The following SNRNP200 variants were observed in gnomAD, a reference collection of about 807,000 sequenced individuals.
SNRNP200 encodes the protein U5 small nuclear ribonucleoprotein 200 kDa helicase.
A neutral mutation model predicts 255.2 loss-of-function variants in SNRNP200; 66 were observed. The observed-to-expected ratio is 0.26, with a 90% CI of 0.21 to 0.32. The LOEUF (loss-of-function observed/expected upper bound fraction) is 0.32. Ranked by LOEUF, SNRNP200 falls within the 10% of genes least tolerant of loss-of-function variation. The pLI, the probability that SNRNP200 is intolerant of heterozygous loss-of-function variation, is 1.00. For missense variants in SNRNP200, 1,585 were observed against 2,749.8 expected (o/e 0.58, Z 9.47); for synonymous variants, 939 against 1,027.8 (o/e 0.91, Z 1.65).
chr2:96,290,698 G>C lies in SNRNP200; in HGVS notation c.2539C>G (p.Leu847Val), dbSNP rs1017651316. The C allele has an allele frequency of 6.8e-6, 11 of 1,614,210 alleles. No homozygotes were observed. The highest frequency in any genetic ancestry group is 8.5e-6 in the Non-Finnish European group (10 of 1,180,038). ...AGGCTCTGTACCTGCAGAATGTCCA[G>C]TGCTCCCAGTTCTGTCCAACGCCCC... ...EKGRWTELGA[L>V]DILQMLGRAG... The change falls in exon 19 of 45, where the codon CTG (leucine) becomes GTG (valine). Residue 847 changes from leucine (L) to valine (V), a missense_variant. Coordinates refer to ENST00000323853, the MANE Select transcript of SNRNP200 (RefSeq NM_014014.5). The surrounding 1 kb of genome is among the most constrained non-coding windows in gnomAD (Gnocchi z 4.5).
chr2:96,285,536 T>G (rs982941467), intron 29 of SNRNP200, among the ~76,000 whole-genome samples, 196 bp from the exon 30 acceptor site: 2 of 152,140 alleles, frequency 1.3e-5, no homozygotes, highest in African/African-American at 4.8e-5. Context: ...TGCTCCCACT[T>G]AACAGTTAAA....
In SNRNP200 at chr2:96,278,743, A is replaced by T. The variant is rs552241837; in HGVS notation, c.5324-32T>A. 5.0e-6 allele frequency: 8 copies of T among 1,614,200 alleles called. No homozygotes were observed. Among genetic ancestry groups the T allele is most frequent in the Non-Finnish European group, 6.8e-6 (8 of 1,180,018 alleles). Reference sequence around the variant, plus strand: ...AGGCGAGAGGTGAGTGGGGAGCCTCAAGAAGATGCCCAGCAAAGACTGTGA... The same window carrying T: ...AGGCGAGAGGTGAGTGGGGAGCCTCTAGAAGATGCCCAGCAAAGACTGTGA... On this transcript the variant is annotated intron_variant, in intron 37 of 44. Transcript: ENST00000323853. The surrounding 1 kb of genome is among the most constrained non-coding windows in gnomAD (Gnocchi z 6.9).
At position 96,295,082 on chromosome 2, in the gene SNRNP200, G is replaced by A. The variant is rs1573998046; in HGVS notation, c.1842+406C>T. ...AAATTAGCTGGGCATGGTGGCAGGC[G>A]CCTGTAATTCCAGCTACAGGGGAGG... On this transcript the variant is annotated intron_variant, in intron 14 of 44. Coordinates refer to ENST00000323853, the MANE Select transcript of SNRNP200 (RefSeq NM_014014.5). 2.6e-5 allele frequency among the ~76,000 whole-genome samples: 4 copies of A among 152,098 alleles called. No individual in the cohort carries two copies. In the South Asian group the frequency reaches 8.3e-4, roughly 32 times the overall value.
rs1421677138 is a variant in SNRNP200 at position 96,277,709 on chromosome 2, G to A, written c.5761C>T (p.Arg1921Trp). ...DTEEILSKAIRLIQACVDVLS... is the reference protein window; with the variant it reads ...DTEEILSKAIWLIQACVDVLS... ...ACATCCACGCAGGCCTGGATGAGCC[G>A]GATTGCCTGAACAGGAAAAGGAGTA... Residue 1921 changes from arginine (R) to tryptophan (W), a missense_variant, in exon 41 of 45, where the codon CGG (arginine) becomes TGG (tryptophan). This residue lies in a region of SNRNP200 where 279 missense variants were observed against 551.2 expected (regional missense o/e 0.51). Coordinates refer to ENST00000323853, the MANE Select transcript of SNRNP200 (RefSeq NM_014014.5). The surrounding 1 kb of genome is among the most constrained non-coding windows in gnomAD (Gnocchi z 4.4). 5 of 1,614,066 alleles carry A rather than the reference G, an allele frequency of 3.1e-6. No individual in the cohort carries two copies. Among genetic ancestry groups the A allele is most frequent in the Non-Finnish European group, 3.4e-6 (4 of 1,180,028 alleles).
At chr2:96,293,532 T>C (rs2063898022) in intron 14 of SNRNP200, 23 bp from the exon 15 acceptor site, 2 of 1,604,254 alleles carry the variant, frequency 1.2e-6, no homozygotes, top group Non-Finnish European at 8.5e-7. Flanking sequence ...AGGACAGAAA[T>C]TACCTCTAGC....
Position 96,289,291 on chromosome 2 carries a change from C to T in SNRNP200, c.3029G>A (p.Ser1010Asn). The T allele has an allele frequency of 6.2e-7, 1 of 1,614,224 alleles. No homozygotes were observed. The highest frequency in any genetic ancestry group is 8.5e-7 in the Non-Finnish European group (1 of 1,180,034). Reference protein sequence around the residue: ...TYNQLLKPTLSEIELFRVFSL... With the variant: ...TYNQLLKPTLNEIELFRVFSL... ...GAAGACCCTGAAAAGCTCAATCTCA[C>T]TCAGGGTGGGCTTCAGCAGCTGGTT... Residue 1010 changes from serine to asparagine, a missense_variant, in exon 22 of 45, where the codon AGT (serine) becomes AAT (asparagine). Transcript: ENST00000323853.
chr2:96,305,432 C>A lies in SNRNP200; in HGVS notation c.6G>T (p.Ala2=), dbSNP rs149919257. The A allele has an allele frequency of 4.3e-6, 7 of 1,614,180 alleles. No individual in the cohort carries two copies. The East Asian group carries it at 1.6e-4, about 36-fold the overall frequency. The part of the protein sequence containing the change: M[A]DVTARSLQYE... ...ATTGCAGACTACGGGCGGTTACATC[C>A]GCCATGGCCGCGGCTGCTCGGAGGC... Residue 2 remains alanine (A), a synonymous_variant, in exon 1 of 45, where the codon GCG becomes GCT. Coordinates refer to ENST00000323853, the MANE Select transcript of SNRNP200 (RefSeq NM_014014.5).
rs1201737747 is a variant in SNRNP200, at chr2:96,287,187, T to C, written c.3485-27A>G. On this transcript the variant is annotated intron_variant, in intron 26 of 44. Transcript: ENST00000323853. The surrounding 1 kb of genome is among the most constrained non-coding windows in gnomAD (Gnocchi z 5.7). ...TACAAGGAAATGAGAGTACTGAGGCTGCAGCCCAGCCTGCCTACTATACTG... is the reference window on the plus strand; with the variant it reads ...TACAAGGAAATGAGAGTACTGAGGCCGCAGCCCAGCCTGCCTACTATACTG... 1 of 1,614,108 alleles carries C rather than the reference T, an allele frequency of 6.2e-7. No homozygotes were observed. Among genetic ancestry groups the C allele is most frequent in the South Asian group, 1.1e-5 (1 of 91,062 alleles).
chr2:96,297,813 A>G (rs1386814918), intron 9 of SNRNP200, 93 bp from the exon 10 acceptor site: 44 of 1,298,882 alleles, frequency 3.4e-5, no homozygotes, highest in Non-Finnish European at 4.4e-5. Context: ...TACTTGAGTC[A>G]CAGGTGCTGA....
chr2:96,291,544 G>A lies in SNRNP200; in HGVS notation c.2311-42C>T. 1 of 1,376,726 alleles carries A rather than the reference G, an allele frequency of 7.3e-7. No individual in the cohort carries two copies. Among genetic ancestry groups the A allele is most frequent in the Non-Finnish European group, 1.0e-6 (1 of 964,134 alleles). 85.3% of individuals were successfully genotyped at this position (1,376,726 alleles called of 1,614,324 possible). On this transcript the variant is annotated intron_variant, in intron 17 of 44. Coordinates refer to ENST00000323853, the MANE Select transcript of SNRNP200 (RefSeq NM_014014.5). The surrounding 1 kb of genome is among the most constrained non-coding windows in gnomAD (Gnocchi z 4.2). ...CGGGGATGAGGCGAGCCTTCCTGTA[G>A]GACTCATCCAAGGACTAAGGAAATC...
Position 96,277,159 on chromosome 2 carries a change from G to T in SNRNP200, c.6014C>A (p.Ala2005Glu). Residue 2005 changes from alanine to glutamate, a missense_variant, in exon 42 of 45, where the codon GCA becomes GAA. By Grantham distance (107) the Ala-to-Glu change is moderately radical. Transcript: ENST00000323853. This position sits in a 1 kb window ranked among gnomAD's most constrained non-coding sequence, Gnocchi z 4.4. ...ALLQLTDSQI[A>E]DVARFCNRYP... ...GCGGTTACAAAAGCGAGCCACATCT[G>T]CAATCTGGCTGTCAGTCAGCTGAAG... 2 of 1,614,084 alleles carry T rather than the reference G, an allele frequency of 1.2e-6. No individual in the cohort carries two copies. The highest frequency in any genetic ancestry group is 2.2e-5 in the South Asian group (2 of 91,088).
chr2:96,288,018 G>A (rs1290996007), intron 24 of SNRNP200, 49 bp from the exon 25 acceptor site: 4 of 1,521,972 alleles, frequency 2.6e-6, no homozygotes, highest in South Asian at 2.2e-5. Flanking sequence ...CTATCCCCAG[G>A]CCTCATGAGC....
At chr2:96,296,866 A>G in intron 12 of SNRNP200, 67 bp downstream of exon 12, 1 of 1,609,820 alleles carries the variant, frequency 6.2e-7, no homozygotes, top group South Asian at 1.1e-5. Flanking sequence ...TGGAAATAAA[A>G]AACAATCTTG....
rs759630106 is a variant in SNRNP200, at chr2:96,289,384, A to G, written c.2941-5T>C. On this transcript the variant is annotated splice_polypyrimidine_tract_variant and splice_region_variant and intron_variant, in intron 21 of 44. Coordinates refer to ENST00000323853, the MANE Select transcript of SNRNP200 (RefSeq NM_014014.5). Reference sequence around the variant, plus strand: ...TATACGGCCCAGTTCTGTCACCTGGAGAGAAGGTAGACTCAATCCAGTGCT... The same window carrying G: ...TATACGGCCCAGTTCTGTCACCTGGGGAGAAGGTAGACTCAATCCAGTGCT... 6.2e-7 allele frequency: 1 copy of G among 1,613,720 alleles called. No homozygotes were observed. Among genetic ancestry groups the G allele is most frequent in the Non-Finnish European group, 8.5e-7 (1 of 1,179,896 alleles).
intron 4 of SNRNP200, among the ~76,000 whole-genome samples, 154 bp downstream of exon 4, chr2:96,301,370 C>T (rs1200024117): frequency 6.6e-6 from 1 of 152,212 alleles, no homozygotes; most frequent in Non-Finnish European, 1.5e-5. Flanking sequence ...TCTAGGGATT[C>T]TGGTGTCCAT....
chr2:96,301,934 C>G (rs2063955893), intron 3 of SNRNP200, among the ~76,000 whole-genome samples: 1 of 152,164 alleles, frequency 6.6e-6, no homozygotes, highest in South Asian at 2.1e-4. Flanking sequence ...CAGGACACAG[C>G]TTCCACAACA....
chr2:96,295,133 C>T (rs1326685583), intron 14 of SNRNP200, among the ~76,000 whole-genome samples: 4 of 152,232 alleles, frequency 2.6e-5, no homozygotes, highest in Non-Finnish European at 5.9e-5. Context: ...TGCTTGAACT[C>T]GGGAGGCAGA....
In SNRNP200 at chr2:96,298,837, T is replaced by A. The variant is rs2063935656; in HGVS notation, c.860A>T (p.Asp287Val). Reference protein sequence around the residue: ...DDAIVSQKKADEVLEILKTAS... With the variant: ...DDAIVSQKKAVEVLEILKTAS... ...TACCTTCAAAATCTCCAATACTTCA[T>A]CTGCCTTCTTCTGCGACACGATGGC... The change falls in exon 7 of 45, where the codon GAT (aspartate) becomes GTT (valine). Residue 287 changes from aspartate to valine, a missense_variant. Coordinates refer to ENST00000323853, the MANE Select transcript of SNRNP200 (RefSeq NM_014014.5). 6.2e-7 allele frequency: 1 copy of A among 1,614,178 alleles called. No individual in the cohort carries two copies. The highest frequency in any genetic ancestry group is 8.5e-7 in the Non-Finnish European group (1 of 1,180,034).
At chr2:96,288,207 T>C (rs2104346411) in intron 24 of SNRNP200, among the ~76,000 whole-genome samples, 1 of 152,314 alleles carries the variant, frequency 6.6e-6, no homozygotes. Context: ...TAACCTAACA[T>C]TCACTGCATG....
Sources: gnomAD v4.1 joint callset for allele counts (sites outside exome capture counted in the v4.1 genomes callset) on GRCh38, gnomAD v4.1.1 for gene constraint, gnomAD v4.1.1 regional missense constraint, Gnocchi (gnomAD v3.1) non-coding constraint, MANE v1.5 for transcripts, NCBI Gene and HGNC (gene_info 2026-07-23, HGNC 2026-07-21) for gene names.